ADCY3: variants seen among roughly 807,000 people sequenced by gnomAD.
The protein encoded by ADCY3 is adenylate cyclase type 3.
A neutral mutation model predicts 119.4 loss-of-function variants in ADCY3; 70 were observed. The ratio of observed to expected loss-of-function variants is 0.59; its 90% CI spans 0.48 to 0.72. ADCY3 has a LOEUF of 0.72. Among genes scored for constraint, ADCY3 ranks in the 30% least tolerant of loss-of-function variants. The pLI, the probability that ADCY3 is intolerant of heterozygous loss-of-function variation, is 0.00. For missense variants in ADCY3, 1,238 were observed against 1,541.6 expected, an observed-to-expected ratio of 0.80 and a Z score of 3.30; for synonymous variants, 672 against 621.4, an observed-to-expected ratio of 1.08 and a Z score of -1.21.
At position 24,820,047 on chromosome 2, in the gene ADCY3, A is replaced by G. The variant is rs1349490900; in HGVS notation, c.3320T>C (p.Phe1107Ser). Residue 1107 changes from phenylalanine (F) to serine (S), a missense_variant, in exon 22 of 22, where the codon TTT becomes TCT. Around this residue, in one of 7 missense-constraint regions of ADCY3, gnomAD observed 86 missense variants for 70.7 expected, o/e 1.22. Coordinates refer to ENST00000679454, the MANE Select transcript of ADCY3 (RefSeq NM_004036.5). ...GFRFVRRGPIFVKGKGELLTF... is the reference protein window; with the variant it reads ...GFRFVRRGPISVKGKGELLTF... ...CAGCAGCTCCCCCTTCCCCTTCACA[A>G]AGATGGGGCCTCGCCTCACAAAGCG... The G allele has an allele frequency of 1.2e-6, 2 of 1,606,256 alleles. No homozygotes were observed. Among genetic ancestry groups the G allele is most frequent in the Admixed American group, 1.7e-5 (1 of 58,762 alleles).
chr2:24,845,438 AT>A (rs1659341169), intron 3 of ADCY3, among the ~76,000 whole-genome samples: 1 of 152,230 alleles, frequency 6.6e-6, no homozygotes, highest in African/African-American at 2.4e-5. Context: ...GGTGACTGTT[AT>A]GTTTTAGCAA....
At chr2:24,845,852 G>C (rs1211488207) in intron 3 of ADCY3, among the ~76,000 whole-genome samples, 1 of 152,244 alleles carries the variant, frequency 6.6e-6, no homozygotes, top group Non-Finnish European at 1.5e-5. Flanking sequence ...CCCATGCTGT[G>C]TGCAGCCTAG....
chr2:24,828,283 G>A (rs1668912184), intron 13 of ADCY3, 122 bp from the exon 14 acceptor site: 24 of 1,150,944 alleles, frequency 2.1e-5, no homozygotes, highest in Middle Eastern at 3.0e-4. Context: ...CAGAAATACC[G>A]GGAAAGATGG....
chr2:24,840,136 C>T (rs1670824617), intron 6 of ADCY3, 105 bp from the exon 7 acceptor site: 5 of 1,436,410 alleles, frequency 3.5e-6, no homozygotes, highest in Admixed American at 2.0e-5. Flanking sequence ...TTCCCCTCCA[C>T]AAGAGGGGGC....
At chr2:24,889,797 T>C (rs1054933293) in intron 2 of ADCY3, among the ~76,000 whole-genome samples, 6 of 152,178 alleles carry the variant, frequency 3.9e-5, no homozygotes, top group African/African-American at 9.7e-5. Context: ...GGTCGCGCCA[T>C]TGCACTCCAG....
At chr2:24,890,657 G>A (rs541310741) in intron 2 of ADCY3, among the ~76,000 whole-genome samples, 10 of 152,072 alleles carry the variant, frequency 6.6e-5, no homozygotes, top group Non-Finnish European at 8.8e-5. Flanking sequence ...CCTGCATCCC[G>A]GTACTGGTCA....
intron 3 of ADCY3, among the ~76,000 whole-genome samples, chr2:24,846,164 C>T (rs1214558134): frequency 6.6e-6 from 1 of 152,210 alleles, no homozygotes; most frequent in African/African-American, 2.4e-5. Flanking sequence ...ACACAGAGTC[C>T]CTACTGGGCC....
At chr2:24,887,515 C>G (rs1167903410) in intron 2 of ADCY3, among the ~76,000 whole-genome samples, 1 of 152,110 alleles carries the variant, frequency 6.6e-6, no homozygotes, top group African/African-American at 2.4e-5. Context: ...CAGGCCAAGT[C>G]CCGAGGGGTT....
intron 2 of ADCY3, among the ~76,000 whole-genome samples, chr2:24,903,221 G>A (rs1679118431): frequency 6.6e-6 from 1 of 151,626 alleles, no homozygotes; most frequent in East Asian, 1.9e-4. Context: ...CGCCTGTGTG[G>A]TTCAAGGGTC....
intron 3 of ADCY3, among the ~76,000 whole-genome samples, chr2:24,845,852 G>A (rs1211488207): frequency 1.3e-5 from 2 of 152,244 alleles, no homozygotes; most frequent in African/African-American, 4.8e-5. Context: ...CCCATGCTGT[G>A]TGCAGCCTAG....
At chr2:24,866,364 G>GGAGTT in intron 3 of ADCY3, among the ~76,000 whole-genome samples, 1 of 152,154 alleles carries the variant, frequency 6.6e-6, no homozygotes, top group East Asian at 1.9e-4. Flanking sequence ...CTTGAGGCCA[G>GGAGTT]GAGTTTGAGA....
At chr2:24,890,271 T>G (rs759183735) in intron 2 of ADCY3, among the ~76,000 whole-genome samples, 9 of 152,234 alleles carry the variant, frequency 5.9e-5, no homozygotes, top group Non-Finnish European at 1.2e-4. Context: ...TGAGGGATAT[T>G]CATCTGGAGT....
rs374433056 is a variant in ADCY3 at position 24,827,638 on chromosome 2, C to G, written c.2433-30G>C. 3.2e-6 allele frequency: 5 copies of G among 1,568,340 alleles called. No individual in the cohort carries two copies. The Middle Eastern group carries it at 8.3e-4, about 261-fold the overall frequency. ...TGGACAGATAACAGCACAGTCAGGC[C>G]CCATCTGGGAACAAGAGCCTGATGC... On this transcript the variant is annotated intron_variant, in intron 14 of 21. Coordinates refer to ENST00000679454, the MANE Select transcript of ADCY3 (RefSeq NM_004036.5).
chr2:24,836,590 A>G (rs1670352170), intron 9 of ADCY3, among the ~76,000 whole-genome samples: 2 of 152,170 alleles, frequency 1.3e-5, no homozygotes, highest in African/African-American at 4.8e-5. Flanking sequence ...CTCACTTCCA[A>G]AATGGTCTCA....
At chr2:24,821,083 G>C in intron 20 of ADCY3, 1 of 563,062 alleles carries the variant, frequency 1.8e-6, no homozygotes, top group Non-Finnish European at 3.1e-6. Context: ...CGGCATGGTA[G>C]TGGCCAGCTT....
intron 2 of ADCY3, among the ~76,000 whole-genome samples, chr2:24,910,667 T>C (rs1170383054): frequency 1.3e-5 from 2 of 150,594 alleles, no homozygotes; most frequent in East Asian, 3.9e-4. Context: ...TTTTCTTTTT[T>C]TTTTTTTTTT....
intron 13 of ADCY3, 22 bp downstream of exon 13, chr2:24,830,687 A>G (rs750657764): frequency 6.3e-7 from 1 of 1,599,326 alleles, no homozygotes; most frequent in Non-Finnish European, 8.6e-7. Context: ...GCGTCCCTTC[A>G]ACAAGGACAG....
In ADCY3 at chr2:24,918,667, G is replaced by A. The variant is rs1031806656; in HGVS notation, c.321C>T (p.Ser107=). 5.6e-6 allele frequency: 9 copies of A among 1,614,004 alleles called. No homozygotes were observed. Among genetic ancestry groups the A allele is most frequent in the Non-Finnish European group, 7.6e-6 (9 of 1,180,028 alleles). ...AVVFSSDKLA[S]LAVAGIGLVL... ...CCAGTCCAATTCCAGCCACGGCGAG[G>A]GAAGCCAGCTTGTCGCTGGAGAAGA... Residue 107 remains serine, a synonymous_variant, in exon 2 of 22, where the codon TCC becomes TCT. Transcript: ENST00000679454. This position sits in a 1 kb window ranked among gnomAD's most constrained non-coding sequence, Gnocchi z 5.4.
rs184140979 is a variant in ADCY3, at chr2:24,906,109, C to T, written c.675+12204G>A. Among the ~76,000 whole-genome samples, 580 of 152,190 alleles carry T rather than the reference C, an allele frequency of 3.8e-3. 4 individuals carry two copies. The highest frequency in any genetic ancestry group is 0.013 in the African/African-American group (550 of 41,512). ...ATCACCTGAGGTCAGGAGATCGAGA[C>T]CAGCCTGGCCAACATGGTGAAACCC... On this transcript the variant is annotated intron_variant, in intron 2 of 21. Coordinates refer to ENST00000679454, the MANE Select transcript of ADCY3 (RefSeq NM_004036.5).
Sources: allele counts gnomAD v4.1 joint callset (sites outside exome capture counted in the v4.1 genomes callset), GRCh38; gene constraint gnomAD v4.1.1; regional missense constraint gnomAD v4.1.1; non-coding constraint Gnocchi (gnomAD v3.1); transcripts MANE v1.5; gene names NCBI Gene and HGNC (gene_info 2026-07-23, HGNC 2026-07-21).